The following LECT2 variants were observed in gnomAD, a reference collection of about 807,000 sequenced individuals.
LECT2 encodes the protein leukocyte cell derived chemotaxin 2.
LECT2 carries 11 observed loss-of-function variants against 16.6 expected under a neutral mutation model. The ratio of observed to expected loss-of-function variants is 0.66; its 90% CI spans 0.42 to 1.09. The LOEUF (loss-of-function observed/expected upper bound fraction) is 1.09. Among genes scored for constraint, LECT2 ranks in the 50% least tolerant of loss-of-function variants. The pLI is 0.00. For synonymous variants in LECT2, 54 were observed against 64.8 expected, an observed-to-expected ratio of 0.83 and a Z score of 0.80; for missense variants, 173 against 184.2, an observed-to-expected ratio of 0.94 and a Z score of 0.35.
chr5:135,947,700 A>G (rs112151255), intron 3 of LECT2, among the ~76,000 whole-genome samples: 4,693 of 152,270 alleles, frequency 0.031, 250 homozygotes, highest in African/African-American at 0.11. Context: ...TGAAACGCTA[A>G]TAAAGGCATT....
At chr5:135,949,135 T>C (rs1352485552) in intron 3 of LECT2, among the ~76,000 whole-genome samples, 2 of 152,152 alleles carry the variant, frequency 1.3e-5, no homozygotes, top group South Asian at 2.1e-4. Flanking sequence ...AATATAACAG[T>C]GAAGGAAGAC....
intron 3 of LECT2, 27 bp downstream of exon 3, chr5:135,951,196 C>A: frequency 1.9e-6 from 3 of 1,606,928 alleles, no homozygotes; most frequent in Non-Finnish European, 1.7e-6. Context: ...CAGGAGGCAC[C>A]CCAGGTGTAG....
At position 135,951,237 on chromosome 5, in the gene LECT2, C is replaced by G; in HGVS notation, c.275G>C (p.Arg92Pro). The G allele has an allele frequency of 6.2e-7, 1 of 1,614,124 alleles. No homozygotes were observed. Residue 92 changes from arginine to proline, a missense_variant, in exon 3 of 4, where the codon CGA (arginine) becomes CCA (proline). Physicochemically the swap from Arg to Pro is moderately radical, Grantham distance 103. Coordinates refer to ENST00000274507, the MANE Select transcript of LECT2 (RefSeq NM_002302.3). ...ACCTCTCTTACCTCTTCCAGATATT[C>G]GAACACCATTATTGATAGCATTCTT... ...QNKNAINNGV[R>P]ISGRGFCVKM...
chr5:135,951,012 T>A (rs1425479863), intron 3 of LECT2: 5 of 577,328 alleles, frequency 8.7e-6, no homozygotes, highest in Non-Finnish European at 1.2e-5. Flanking sequence ...GTGGTTTACC[T>A]ATATAACAAA....
chr5:135,951,094 A>G (rs1001319621), intron 3 of LECT2, 129 bp downstream of exon 3: 4 of 963,888 alleles, frequency 4.1e-6, no homozygotes, highest in East Asian at 5.0e-5. Context: ...GGTACACTCT[A>G]TATTCTTTCT....
At chr5:135,948,746 C>T (rs992336103) in intron 3 of LECT2, among the ~76,000 whole-genome samples, 6 of 151,428 alleles carry the variant, frequency 4.0e-5, no homozygotes, top group African/African-American at 1.5e-4. Context: ...GCGATCTCGG[C>T]TCACTGCAGG....
chr5:135,948,456 C>T (rs1763733976), intron 3 of LECT2, among the ~76,000 whole-genome samples: 1 of 151,950 alleles, frequency 6.6e-6, no homozygotes, highest in South Asian at 2.1e-4. Flanking sequence ...TTATGCAGCA[C>T]TTGAAAGGTA....
chr5:135,951,595 C>T (rs1212311240), intron 2 of LECT2: 4 of 468,816 alleles, frequency 8.5e-6, no homozygotes, highest in African/African-American at 3.9e-5. Flanking sequence ...TAAAATGGTA[C>T]TTGGTACATA....
chr5:135,950,954 T>G (rs1193016188), intron 3 of LECT2: 2 of 511,784 alleles, frequency 3.9e-6, no homozygotes, highest in Admixed American at 3.4e-5. Context: ...GGTACTATGC[T>G]TATTACCTGG....
intron 3 of LECT2, among the ~76,000 whole-genome samples, chr5:135,948,576 T>C (rs1763735289): frequency 6.6e-6 from 1 of 151,932 alleles, no homozygotes; most frequent in Non-Finnish European, 1.5e-5. Context: ...CATATTGATA[T>C]AATACTTTGA....
rs775596742 is a variant in LECT2, at chr5:135,952,967, G to T, written c.47C>A (p.Ala16Glu). ...TATATTAGCCCATGGCCCTGCCAGT[G>T]CTAAAAAGGAGAAAAGTGAGAGCAG... ...ALLLAGLIST[A>E]LAGPWANICA... Residue 16 changes from alanine to glutamate, a missense_variant and splice_region_variant, in exon 2 of 4, where the codon GCA becomes GAA. By Grantham distance (107) the Ala-to-Glu change is moderately radical (BLOSUM62 -1). Coordinates refer to ENST00000274507, the MANE Select transcript of LECT2 (RefSeq NM_002302.3). 3 of 1,610,900 alleles carry T rather than the reference G, an allele frequency of 1.9e-6. No individual in the cohort carries two copies. Among genetic ancestry groups the T allele is most frequent in the Non-Finnish European group, 2.5e-6 (3 of 1,177,106 alleles).
intron 1 of LECT2, 110 bp downstream of exon 1, chr5:135,954,678 C>A: frequency 5.3e-6 from 4 of 748,262 alleles, no homozygotes; most frequent in Admixed American, 2.1e-5. Flanking sequence ...GCCAAATACA[C>A]AAGTCTTTGT....
chr5:135,949,794 T>A (rs1035153139), intron 3 of LECT2, among the ~76,000 whole-genome samples: 4 of 152,252 alleles, frequency 2.6e-5, no homozygotes, highest in Non-Finnish European at 5.9e-5. Flanking sequence ...GTCAGCATTT[T>A]GTTCATCAGA....
chr5:135,950,943 G>A (rs978134984), intron 3 of LECT2: 3 of 450,852 alleles, frequency 6.7e-6, no homozygotes, highest in Admixed American at 3.8e-5. Context: ...AATATCTATC[G>A]GGTACTATGC....
At chr5:135,948,440 A>C (rs1024854541) in intron 3 of LECT2, among the ~76,000 whole-genome samples, 3 of 152,154 alleles carry the variant, frequency 2.0e-5, no homozygotes, top group Non-Finnish European at 2.9e-5. Context: ...CACTAGCCAC[A>C]TGTGGTTATG....
At position 135,951,300 on chromosome 5, in the gene LECT2, G is replaced by T; in HGVS notation, c.212C>A (p.Thr71Asn). The stretch of plus-strand genomic sequence containing the variant: ...TTTCTCCTGGCCCACAATCATTCCA[G>T]TGAATGGTGCGTACACAGTAGATCC... ...SAGSTVYAPFTGMIVGQEKPY... is the reference protein window; with the variant it reads ...SAGSTVYAPFNGMIVGQEKPY... Residue 71 changes from threonine (T) to asparagine (N), a missense_variant, in exon 3 of 4, where the codon ACT becomes AAT. By Grantham distance (65) the Thr-to-Asn change is moderately conservative (BLOSUM62 0). Coordinates refer to ENST00000274507, the MANE Select transcript of LECT2 (RefSeq NM_002302.3). 6.2e-7 allele frequency: 1 copy of T among 1,613,876 alleles called. No homozygotes were observed. Among genetic ancestry groups the T allele is most frequent in the Non-Finnish European group, 8.5e-7 (1 of 1,179,760 alleles).
chr5:135,947,119 AT>A lies in LECT2; in HGVS notation c.*211del. ...CAAATTTCCTTTTTTTAATTAAAAA[AT>A]TTTTGTGGGTACATAGGTGTATTTG... On this transcript the variant is annotated 3_prime_UTR_variant, in exon 4 of 4. Transcript: ENST00000274507. 2.7e-6 allele frequency: 1 copy of A among 374,060 alleles called. No homozygotes were observed. The highest frequency in any genetic ancestry group is 3.9e-5 in the East Asian group (1 of 25,424). The allele number at this position is 374,060 out of a possible 1,614,324, so 23.2% of individuals were successfully genotyped here.
chr5:135,950,843 T>A, intron 3 of LECT2: 1 of 268,734 alleles, frequency 3.7e-6, no homozygotes, highest in Non-Finnish European at 6.9e-6. Flanking sequence ...AGCTGTGGGG[T>A]TTCGTGAAGT....
intron 3 of LECT2, among the ~76,000 whole-genome samples, chr5:135,948,730 A>T (rs549137132): frequency 1.5e-4 from 22 of 150,860 alleles, no homozygotes; most frequent in African/African-American, 5.4e-4. Flanking sequence ...GCTGGAGTGC[A>T]GTGGCGCGAT....
Sources: gnomAD v4.1 joint callset for allele counts (sites outside exome capture counted in the v4.1 genomes callset) on GRCh38, gnomAD v4.1.1 for gene constraint, MANE v1.5 for transcripts, NCBI Gene and HGNC (gene_info 2026-07-23, HGNC 2026-07-21) for gene names.